Variants in SLC24A2 observed in about 807,000 individuals in gnomAD.
SLC24A2 encodes solute carrier family 24 member 2.
Under a neutral mutation model 62.0 loss-of-function variants are expected in SLC24A2, and 36 were observed. The ratio of observed to expected loss-of-function variants is 0.58; its 90% CI spans 0.44 to 0.77. SLC24A2 has a LOEUF of 0.77. Ranked by LOEUF, SLC24A2 falls within the 30% of genes least tolerant of loss-of-function variation. SLC24A2 has a pLI of 0.00. For missense variants in SLC24A2, 846 were observed against 817.9 expected, an observed-to-expected ratio of 1.03 and a Z score of -0.42; for synonymous variants, 358 against 294.0, an observed-to-expected ratio of 1.22 and a Z score of -2.23.
At chr9:20,199,994 G>C in the SLC24A2 span, among the ~76,000 whole-genome samples, 1 of 150,290 alleles carries the variant, frequency 6.7e-6, no homozygotes, top group African/African-American at 2.5e-5. Flanking sequence ...GCCTCCCAAA[G>C]TGCTGGGACT....
At chr9:20,217,284 G>A in the SLC24A2 span, among the ~76,000 whole-genome samples, 1 of 152,148 alleles carries the variant, frequency 6.6e-6, no homozygotes, top group Non-Finnish European at 1.5e-5. Context: ...ATGCTGTTAG[G>A]ATTCAGCTTA....
chr9:20,236,164 C>T, the SLC24A2 span, among the ~76,000 whole-genome samples: 512 of 152,284 alleles, frequency 3.4e-3, 4 homozygotes, highest in African/African-American at 0.012. Flanking sequence ...TAGGGTAACA[C>T]GTGTCTCTGT....
At chr9:20,103,428 G>A in the SLC24A2 span, among the ~76,000 whole-genome samples, 3 of 152,208 alleles carry the variant, frequency 2.0e-5, no homozygotes, top group African/African-American at 7.2e-5. Context: ...CCCCCGAGCA[G>A]CCTAACTGGG....
At chr9:20,281,716 T>G in the SLC24A2 span, among the ~76,000 whole-genome samples, 3 of 152,224 alleles carry the variant, frequency 2.0e-5, no homozygotes, top group African/African-American at 7.2e-5. Flanking sequence ...GATCCATTCA[T>G]TCTACTAATA....
chr9:19,636,961 T>C (rs917116101), intron 2 of SLC24A2, among the ~76,000 whole-genome samples: 5 of 152,322 alleles, frequency 3.3e-5, no homozygotes, highest in South Asian at 4.1e-4. Context: ...AAAATACTAA[T>C]TGGAATAATT....
In SLC24A2 at chr9:19,636,310, T is replaced by TTTCC. The variant is rs1213387858; in HGVS notation, c.931-14012_931-14011insGGAA. Among the ~76,000 whole-genome samples, 85 of 34,186 alleles carry TTTCC rather than the reference T, an allele frequency of 2.5e-3. 11 individuals are homozygous for TTTCC. Among genetic ancestry groups the TTTCC allele is most frequent in the African/African-American group, 0.01 (83 of 7,912 alleles). The allele number at this position is 34,186 out of a possible 152,430, so 22.4% of individuals were successfully genotyped here. On this transcript the variant is annotated intron_variant, in intron 2 of 10. Transcript: ENST00000341998. Reference sequence around the variant, plus strand: ...TCTTCTTTTCTTTTCTTTTCTTTTCTTTTCTTTTCTTTCTTTCTTTCTTTC... The same window carrying TTTCC: ...TCTTCTTTTCTTTTCTTTTCTTTTCTTTCCTTTCTTTTCTTTCTTTCTTTCTTTC...
At chr9:19,516,814 GT>G (rs775860156) in intron 10 of SLC24A2, among the ~76,000 whole-genome samples, 10 of 152,142 alleles carry the variant, frequency 6.6e-5, no homozygotes, top group Non-Finnish European at 1.2e-4. Context: ...ACAGAAATGA[GT>G]GGTGAAAATG....
chr9:19,890,215 A>G, the SLC24A2 span, among the ~76,000 whole-genome samples: 1 of 152,098 alleles, frequency 6.6e-6, no homozygotes, highest in African/African-American at 2.4e-5. Context: ...AATAAGAGGG[A>G]AGCCACAGTC....
chr9:19,639,493 G>A (rs1370805919), intron 2 of SLC24A2, among the ~76,000 whole-genome samples: 4 of 152,174 alleles, frequency 2.6e-5, no homozygotes, highest in Non-Finnish European at 5.9e-5. Flanking sequence ...TGGGGTGCCC[G>A]GCCAGCTGCC....
the SLC24A2 span, among the ~76,000 whole-genome samples, chr9:19,968,487 A>C: frequency 6.6e-6 from 1 of 152,252 alleles, no homozygotes; most frequent in Non-Finnish European, 1.5e-5. Flanking sequence ...TAATTTGCTT[A>C]TAGAAATAAG....
At chr9:20,062,269 G>A in the SLC24A2 span, among the ~76,000 whole-genome samples, 1 of 151,988 alleles carries the variant, frequency 6.6e-6, no homozygotes, top group Non-Finnish European at 1.5e-5. Context: ...AACCAAAACA[G>A]CATGGTAAAG....
the SLC24A2 span, among the ~76,000 whole-genome samples, chr9:19,916,552 T>C: frequency 2.0e-4 from 31 of 152,030 alleles, no homozygotes; most frequent in Non-Finnish European, 4.1e-4. Context: ...TGTGTCTGTA[T>C]GTACATCTAA....
chr9:19,724,016 A>G (rs555935717), intron 2 of SLC24A2, among the ~76,000 whole-genome samples: 2 of 152,316 alleles, frequency 1.3e-5, no homozygotes, highest in East Asian at 3.9e-4. Flanking sequence ...AACTCATGAT[A>G]TAATCTGATT....
At chr9:19,562,692 T>C (rs533433497) in intron 7 of SLC24A2, among the ~76,000 whole-genome samples, 6 of 152,320 alleles carry the variant, frequency 3.9e-5, no homozygotes, top group African/African-American at 1.4e-4. Flanking sequence ...TGCCAAGGCC[T>C]GGTCAGTAAA....
the SLC24A2 span, among the ~76,000 whole-genome samples, chr9:19,986,170 G>A: frequency 8.9e-4 from 136 of 151,970 alleles, no homozygotes; most frequent in African/African-American, 3.0e-3. Flanking sequence ...ACCAATAAGC[G>A]CATGAAAAGA....
intron 8 of SLC24A2, among the ~76,000 whole-genome samples, chr9:19,529,490 A>G (rs1234901848): frequency 6.6e-6 from 1 of 152,072 alleles, no homozygotes; most frequent in African/African-American, 2.4e-5. Flanking sequence ...CATTTCTTTA[A>G]ATGATTGCTG....
chr9:19,924,615 C>A, the SLC24A2 span, among the ~76,000 whole-genome samples: 2 of 152,162 alleles, frequency 1.3e-5, no homozygotes, highest in Non-Finnish European at 2.9e-5. Context: ...GTGACTCCTC[C>A]TTAAGAGCAA....
rs1038496127 is a variant in SLC24A2 at position 19,511,876 on chromosome 9, G to C, written c.*4277C>G. 6.6e-6 allele frequency: 1 copy of C among 152,312 alleles called. No individual in the cohort carries two copies. The highest frequency in any genetic ancestry group is 2.4e-5 in the African/African-American group (1 of 41,452). The allele number at this position is 152,312 out of a possible 1,614,324, so 9.4% of individuals were successfully genotyped here. ...ATCCACATAATCTCGCGTGTGTGTG[G>C]GGGTGTGGGTGTGTGTTTGGTAGAT... On this transcript the variant is annotated 3_prime_UTR_variant, in exon 11 of 11. Transcript: ENST00000341998.
the SLC24A2 span, among the ~76,000 whole-genome samples, chr9:20,031,361 A>G: frequency 2.7e-5 from 4 of 146,360 alleles, no homozygotes; most frequent in East Asian, 7.9e-4. Context: ...TTATATATAT[A>G]TATATATATA....
Sources: gnomAD v4.1 joint callset for allele counts (sites outside exome capture counted in the v4.1 genomes callset) on GRCh38, gnomAD v4.1.1 for gene constraint, MANE v1.5 for transcripts, NCBI Gene and HGNC (gene_info 2026-07-23, HGNC 2026-07-21) for gene names.